THSD7A: variants seen among roughly 807,000 people sequenced by gnomAD.
THSD7A encodes the protein thrombospondin type 1 domain containing 7A.
THSD7A carries 96 observed loss-of-function variants against 231.3 expected under a neutral mutation model. The observed-to-expected ratio is 0.41, with a 90% CI of 0.35 to 0.49. The LOEUF is 0.49. Among genes scored for constraint, THSD7A ranks in the 20% least tolerant of loss-of-function variants. The pLI, the probability that THSD7A is intolerant of heterozygous loss-of-function variation, is 0.05. For missense variants in THSD7A, 2,290 were observed against 2,070.2 expected (o/e 1.11, Z -2.06); for synonymous variants, 940 against 743.3 (o/e 1.26, Z -4.30).
At chr7:11,796,636 C>T (rs967933800) in intron 1 of THSD7A, among the ~76,000 whole-genome samples, 17 of 151,122 alleles carry the variant, frequency 1.1e-4, no homozygotes, top group Non-Finnish European at 2.4e-4. Flanking sequence ...AAGTATTTCA[C>T]GTTTATTACT....
rs955043842 is a variant in THSD7A, at chr7:11,632,381, A to G, written c.1022+3749T>C. On this transcript the variant is annotated intron_variant, in intron 2 of 27. Coordinates refer to ENST00000423059, the MANE Select transcript of THSD7A (RefSeq NM_015204.3). The surrounding 1 kb of genome is among the most constrained non-coding windows in gnomAD (Gnocchi z 4.1). ...AGATATTTTAATCTTTTTCCCCATT[A>G]TAATATTTAATTTTTTAAGCATCTA... is the stretch of plus-strand genomic sequence containing the variant. 1.3e-5 allele frequency among the ~76,000 whole-genome samples: 2 copies of G among 152,090 alleles called. No homozygotes were observed. Among genetic ancestry groups the G allele is most frequent in the African/African-American group, 4.8e-5 (2 of 41,422 alleles).
chr7:11,627,653 A>G (rs1456073005), intron 2 of THSD7A, among the ~76,000 whole-genome samples: 1 of 152,156 alleles, frequency 6.6e-6, no homozygotes, highest in Non-Finnish European at 1.5e-5. Flanking sequence ...CTGAAGCATA[A>G]GTTTGAAGAT....
intron 2 of THSD7A, among the ~76,000 whole-genome samples, chr7:11,595,623 C>T (rs1158769333): frequency 6.6e-6 from 1 of 152,154 alleles, no homozygotes; most frequent in Admixed American, 6.5e-5. Context: ...TTTATACCTA[C>T]TCATCCCAGC....
chr7:11,580,001 C>A (rs1182237202), intron 4 of THSD7A, among the ~76,000 whole-genome samples: 4 of 152,074 alleles, frequency 2.6e-5, no homozygotes, highest in African/African-American at 9.7e-5. Context: ...AAGGCCCTGG[C>A]AGAGATGTTA....
At chr7:11,669,215 A>G (rs1341502406) in intron 1 of THSD7A, among the ~76,000 whole-genome samples, 1 of 152,160 alleles carries the variant, frequency 6.6e-6, no homozygotes, top group Non-Finnish European at 1.5e-5. Flanking sequence ...CAGAAAACTT[A>G]CCTCACTAGA....
intron 6 of THSD7A, among the ~76,000 whole-genome samples, chr7:11,526,725 T>G (rs1408132351): frequency 6.6e-6 from 1 of 152,176 alleles, no homozygotes; most frequent in African/African-American, 2.4e-5. Context: ...CCTGCTGCCA[T>G]GTAAGACATG....
At chr7:11,453,116 C>A (rs1785196783) in intron 11 of THSD7A, among the ~76,000 whole-genome samples, 1 of 151,916 alleles carries the variant, frequency 6.6e-6, no homozygotes, top group Non-Finnish European at 1.5e-5. Flanking sequence ...CTCAATAATG[C>A]CTCTAAAATG....
intron 6 of THSD7A, among the ~76,000 whole-genome samples, chr7:11,529,759 T>A (rs772701798): frequency 6.6e-6 from 1 of 152,196 alleles, no homozygotes; most frequent in East Asian, 1.9e-4. Flanking sequence ...TCTCAGATAG[T>A]ATCTTTATAA....
intron 6 of THSD7A, among the ~76,000 whole-genome samples, chr7:11,505,405 C>T (rs561745018): frequency 4.0e-5 from 6 of 151,444 alleles, no homozygotes; most frequent in Non-Finnish European, 7.4e-5. Flanking sequence ...GAACCCTCAG[C>T]TACACCTTAG....
At chr7:11,824,319 A>T (rs1409164471) in intron 1 of THSD7A, among the ~76,000 whole-genome samples, 1 of 152,008 alleles carries the variant, frequency 6.6e-6, no homozygotes, top group African/African-American at 2.4e-5. Flanking sequence ...AAGAAACTCC[A>T]CTATCCAGTA....
Position 11,832,104 on chromosome 7 carries a change from G to A in THSD7A, c.-158C>T. On this transcript the variant is annotated 5_prime_UTR_variant, in exon 1 of 28. Transcript: ENST00000423059. ...GGAGGGAGAGCGCGTCTAACACCAG[G>A]GAACAATAGCGTCCGCGGTGGTGGC... The A allele has an allele frequency of 2.2e-6, 1 of 453,388 alleles. No homozygotes were observed. The highest frequency in any genetic ancestry group is 1.0e-4 in the South Asian group (1 of 9,632). The allele number at this position is 453,388 out of a possible 1,614,324, so 28.1% of individuals were successfully genotyped here.
At chr7:11,585,023 T>G (rs1255048004) in intron 4 of THSD7A, among the ~76,000 whole-genome samples, 1 of 152,178 alleles carries the variant, frequency 6.6e-6, no homozygotes, top group Non-Finnish European at 1.5e-5. Context: ...CAGCAAATGT[T>G]TATTAAAAAC....
intron 7 of THSD7A, among the ~76,000 whole-genome samples, chr7:11,481,439 T>C (rs1462320371): frequency 6.6e-6 from 1 of 152,180 alleles, no homozygotes; most frequent in Non-Finnish European, 1.5e-5. Context: ...AACTGACTTC[T>C]GAAATTCAGA....
At chr7:11,635,061 A>T (rs1036646893) in intron 2 of THSD7A, among the ~76,000 whole-genome samples, 9 of 152,212 alleles carry the variant, frequency 5.9e-5, no homozygotes, top group African/African-American at 2.2e-4. Flanking sequence ...TTAACATGCA[A>T]ATGTGGTCTG....
intron 1 of THSD7A, among the ~76,000 whole-genome samples, chr7:11,652,065 C>T (rs1782526966): frequency 6.6e-6 from 1 of 151,834 alleles, no homozygotes; most frequent in African/African-American, 2.4e-5. Flanking sequence ...GACATTTTTG[C>T]CCATACTCTG....
At chr7:11,531,167 C>T (rs1788693251) in intron 6 of THSD7A, among the ~76,000 whole-genome samples, 1 of 152,114 alleles carries the variant, frequency 6.6e-6, no homozygotes, top group Non-Finnish European at 1.5e-5. Flanking sequence ...TCTAGTTTTC[C>T]TCAACTAGTG....
intron 1 of THSD7A, among the ~76,000 whole-genome samples, chr7:11,808,938 T>C (rs527974344): frequency 8.5e-5 from 13 of 152,226 alleles, no homozygotes; most frequent in East Asian, 1.9e-4. Context: ...ACCATACATA[T>C]AGTAGAAATA....
At chr7:11,648,379 C>G (rs1468505846) in intron 1 of THSD7A, among the ~76,000 whole-genome samples, 1 of 151,938 alleles carries the variant, frequency 6.6e-6, no homozygotes, top group African/African-American at 2.4e-5. Context: ...GGAAGGTCCT[C>G]TCTGTAAAAG....
chr7:11,462,920 TA>T (rs886107900), intron 9 of THSD7A, among the ~76,000 whole-genome samples: 1 of 152,188 alleles, frequency 6.6e-6, no homozygotes, highest in Non-Finnish European at 1.5e-5. Flanking sequence ...ATGTAGCGTA[TA>T]AAACTTGCCA....
Sources: gnomAD v4.1 joint callset for allele counts (sites outside exome capture counted in the v4.1 genomes callset) on GRCh38, gnomAD v4.1.1 for gene constraint, Gnocchi (gnomAD v3.1) non-coding constraint, MANE v1.5 for transcripts, NCBI Gene and HGNC (gene_info 2026-07-23, HGNC 2026-07-21) for gene names.